The following APOBEC2 variants were observed in gnomAD, a reference collection of about 807,000 sequenced individuals.
The protein encoded by APOBEC2 is C->U-editing enzyme APOBEC-2.
In APOBEC2, 14 loss-of-function variants were observed where a neutral mutation model predicts 19.4. The observed-to-expected ratio is 0.72, with a 90% CI of 0.48 to 1.13. The LOEUF is 1.13. Ranked by LOEUF, APOBEC2 falls within the 50% of genes most tolerant of loss-of-function variation. The pLI is 0.00. For missense variants in APOBEC2, 304 were observed against 277.0 expected, an observed-to-expected ratio of 1.10 and a Z score of -0.69; for synonymous variants, 127 against 112.1, an observed-to-expected ratio of 1.13 and a Z score of -0.84.
chr6:41,057,488 C>A (rs573828272), intron 1 of APOBEC2, among the ~76,000 whole-genome samples: 1 of 152,280 alleles, frequency 6.6e-6, no homozygotes, highest in East Asian at 1.9e-4. Context: ...CCCTTCTCAG[C>A]TCTAGGGAGT....
In APOBEC2 at chr6:41,053,381, G is replaced by A. The variant is rs775096529; in HGVS notation, c.34G>A (p.Glu12Lys). 7 of 1,613,896 alleles carry A rather than the reference G, an allele frequency of 4.3e-6. No homozygotes were observed. The highest frequency in any genetic ancestry group is 5.9e-6 in the Non-Finnish European group (7 of 1,180,034). The change falls in exon 1 of 3, where the codon GAG (glutamate) becomes AAG (lysine). Residue 12 changes from glutamate (E) to lysine (K), a missense_variant. Coordinates refer to ENST00000244669, the MANE Select transcript of APOBEC2 (RefSeq NM_006789.4). ...AQKEEAAVAT[E>K]AASQNGEDLE... The stretch of plus-strand genomic sequence containing the variant: ...GAAGGAAGAGGCTGCTGTGGCCACT[G>A]AGGCTGCCTCCCAGAATGGGGAGGA...
intron 1 of APOBEC2, among the ~76,000 whole-genome samples, chr6:41,055,280 A>C (rs956647905): frequency 2.0e-5 from 3 of 152,120 alleles, no homozygotes; most frequent in Admixed American, 6.5e-5. Flanking sequence ...TGAGGACCCA[A>C]GGCTCAGAAA....
In APOBEC2 at chr6:41,053,437, G is replaced by A; in HGVS notation, c.90G>A (p.Leu30=). The change falls in exon 1 of 3, where the codon CTG becomes CTA. Residue 30 remains leucine (L), a synonymous_variant. Coordinates refer to ENST00000244669, the MANE Select transcript of APOBEC2 (RefSeq NM_006789.4). Reference sequence around the variant, plus strand: ...AGAACCTGGACGACCCTGAGAAGCTGAAAGAGCTGATTGAGCTGCCGCCCT... The same window carrying A: ...AGAACCTGGACGACCCTGAGAAGCTAAAAGAGCTGATTGAGCTGCCGCCCT... ...DLENLDDPEK[L]KELIELPPFE... 1 of 1,614,226 alleles carries A rather than the reference G, an allele frequency of 6.2e-7. No homozygotes were observed. Among genetic ancestry groups the A allele is most frequent in the Middle Eastern group, 1.7e-4 (1 of 6,058 alleles).
intron 1 of APOBEC2, among the ~76,000 whole-genome samples, chr6:41,055,170 C>G (rs1378440560): frequency 6.6e-6 from 1 of 152,206 alleles, no homozygotes; most frequent in Non-Finnish European, 1.5e-5. Context: ...GTAGGTGGCA[C>G]ATCTTCTTAC....
chr6:41,059,477 A>G (rs1406915074), intron 1 of APOBEC2, among the ~76,000 whole-genome samples: 3 of 152,220 alleles, frequency 2.0e-5, no homozygotes, highest in Non-Finnish European at 4.4e-5. Flanking sequence ...AGCACTCACT[A>G]TAAGTGAACG....
intron 1 of APOBEC2, among the ~76,000 whole-genome samples, chr6:41,058,119 T>C (rs1762818398): frequency 6.7e-6 from 1 of 148,300 alleles, no homozygotes; most frequent in African/African-American, 2.5e-5. Context: ...AGCATCTCTC[T>C]CCTGACCACC....
At chr6:41,056,401 G>C (rs539051100) in intron 1 of APOBEC2, among the ~76,000 whole-genome samples, 5 of 152,230 alleles carry the variant, frequency 3.3e-5, no homozygotes, top group Non-Finnish European at 7.3e-5. Context: ...GACTATTGGC[G>C]TGGGCCACTG....
intron 1 of APOBEC2, among the ~76,000 whole-genome samples, chr6:41,055,357 G>C (rs1448729737): frequency 6.6e-6 from 1 of 152,224 alleles, no homozygotes; most frequent in Non-Finnish European, 1.5e-5. Context: ...AGAGCGCTGA[G>C]TGTTTCCTGG....
intron 2 of APOBEC2, among the ~76,000 whole-genome samples, chr6:41,062,775 C>T (rs998005831): frequency 6.6e-6 from 1 of 152,200 alleles, no homozygotes; most frequent in Non-Finnish European, 1.5e-5. Flanking sequence ...TAAACTCTAA[C>T]AGAAACAGGC....
intron 1 of APOBEC2, among the ~76,000 whole-genome samples, chr6:41,055,715 G>C (rs1762786864): frequency 6.6e-6 from 1 of 152,210 alleles, no homozygotes; most frequent in Non-Finnish European, 1.5e-5. Flanking sequence ...TGGTTGAATA[G>C]GGCATTCAGG....
chr6:41,061,611 C>G lies in APOBEC2; in HGVS notation c.415C>G (p.Leu139Val). 1.2e-6 allele frequency: 2 copies of G among 1,614,242 alleles called. No homozygotes were observed. Among genetic ancestry groups the G allele is most frequent in the Admixed American group, 3.3e-5 (2 of 60,030 alleles). ...AACADRIIKT[L>V]SKTKNLRLLI... ...GTGTGCTGACCGCATTATCAAAACC[C>G]TTAGCAAGACCAAGAACCTGCGTCT... The change falls in exon 2 of 3, where the codon CTT becomes GTT. Residue 139 changes from leucine to valine, a missense_variant. Transcript: ENST00000244669.
At chr6:41,059,791 C>G (rs1272653306) in intron 1 of APOBEC2, among the ~76,000 whole-genome samples, 1 of 152,188 alleles carries the variant, frequency 6.6e-6, no homozygotes, top group Admixed American at 6.5e-5. Context: ...CATCCCTAGG[C>G]AGCCAAGGCC....
intron 2 of APOBEC2, among the ~76,000 whole-genome samples, chr6:41,063,813 T>A (rs1762914352): frequency 6.6e-6 from 1 of 151,234 alleles, no homozygotes. Flanking sequence ...TTTTTTTTTT[T>A]AATGACAAAA....
chr6:41,057,934 A>T (rs1271506676), intron 1 of APOBEC2, among the ~76,000 whole-genome samples: 5 of 152,304 alleles, frequency 3.3e-5, no homozygotes, highest in Non-Finnish European at 7.3e-5. Context: ...AGTGAACTGA[A>T]ATGTCCAGTA....
At chr6:41,053,908 CCA>C (rs1280257111) in intron 1 of APOBEC2, among the ~76,000 whole-genome samples, 1 of 152,192 alleles carries the variant, frequency 6.6e-6, no homozygotes, top group African/African-American at 2.4e-5. Context: ...TCTCCGCTAG[CCA>C]TAGGCCTCTA....
chr6:41,061,895 G>A lies in APOBEC2; in HGVS notation c.*21+3G>A, dbSNP rs747831263. 48 of 1,597,650 alleles carry A rather than the reference G, an allele frequency of 3.0e-5. 1 individual carries two copies. The South Asian group carries it at 5.1e-4, about 17-fold the overall frequency. On this transcript the variant is annotated splice_donor_region_variant and intron_variant, in intron 2 of 2. Transcript: ENST00000244669. ...AGGGCAACTGGGCTTTGCCTCACGT[G>A]AGTTTTCCTGGTGCCATGGCACCAA...
At chr6:41,056,467 C>G (rs1328443504) in intron 1 of APOBEC2, among the ~76,000 whole-genome samples, 1 of 152,256 alleles carries the variant, frequency 6.6e-6, no homozygotes, top group Non-Finnish European at 1.5e-5. Context: ...AGTTAGATTA[C>G]TCACTCTTTC....
rs1762926187 is a variant in APOBEC2, at chr6:41,064,285, A to C, written c.*206A>C. 6.6e-6 allele frequency: 1 copy of C among 152,484 alleles called. No individual in the cohort carries two copies. The highest frequency in any genetic ancestry group is 1.5e-5 in the Non-Finnish European group (1 of 68,010). The allele number at this position is 152,484 out of a possible 1,614,324, so 9.4% of individuals were successfully genotyped here. On this transcript the variant is annotated 3_prime_UTR_variant, in exon 3 of 3. Coordinates refer to ENST00000244669, the MANE Select transcript of APOBEC2 (RefSeq NM_006789.4). ...TATTTAGGCTGTGACTCTCTCTCTA[A>C]TGCTGCTCTCGGGAAGGACGAAAGT...
rs374264492 is a variant in APOBEC2 at position 41,061,839 on chromosome 6, T to A, written c.643T>A (p.Tyr215Asn). The change falls in exon 2 of 3, where the codon TAC becomes AAC. Residue 215 changes from tyrosine (Y) to asparagine (N), a missense_variant. Physicochemically the swap from Tyr to Asn is moderately radical, Grantham distance 143 (BLOSUM62 -2). Coordinates refer to ENST00000244669, the MANE Select transcript of APOBEC2 (RefSeq NM_006789.4). ...GGACATTCAGGAGAACTTCCTATACTACGAGGAGAAGTTGGCAGACATCCT... is the reference window on the plus strand; with the variant it reads ...GGACATTCAGGAGAACTTCCTATACAACGAGGAGAAGTTGGCAGACATCCT... ...WEDIQENFLY[Y>N]EEKLADILK 1.3e-4 allele frequency: 209 copies of A among 1,613,866 alleles called. 1 individual carries two copies. Among genetic ancestry groups the A allele is most frequent in the Non-Finnish European group, 1.7e-4 (202 of 1,179,858 alleles).
Sources: gnomAD v4.1 joint callset for allele counts (sites outside exome capture counted in the v4.1 genomes callset) on GRCh38, gnomAD v4.1.1 for gene constraint, MANE v1.5 for transcripts, NCBI Gene and HGNC (gene_info 2026-07-23, HGNC 2026-07-21) for gene names.